STK32B: variants seen among roughly 807,000 people sequenced by gnomAD.
STK32B encodes serine/threonine kinase 32B, also known as serine/threonine-protein kinase 32B.
Under a neutral mutation model 52.6 loss-of-function variants are expected in STK32B, and 43 were observed. The observed-to-expected ratio is 0.82, with a 90% CI of 0.64 to 1.05. The LOEUF (loss-of-function observed/expected upper bound fraction) is 1.05, where lower values mean the gene tolerates loss of function less well. Ranked by LOEUF, STK32B falls within the 50% of genes least tolerant of loss-of-function variation. The pLI, the probability that STK32B is intolerant of heterozygous loss-of-function variation, is 0.00. For synonymous variants in STK32B, 238 were observed against 204.3 expected (o/e 1.17, Z -1.41); for missense variants, 621 against 534.6 (o/e 1.16, Z -1.59).
rs546530095 is a variant in STK32B, at chr4:5,126,842, A to C, written c.53-13063A>C. 2.9e-3 allele frequency among the ~76,000 whole-genome samples: 440 copies of C among 152,318 alleles called. 1 individual carries two copies. Among genetic ancestry groups the C allele is most frequent in the Middle Eastern group, 0.01 (3 of 294 alleles). On this transcript the variant is annotated intron_variant, in intron 1 of 11. Coordinates refer to ENST00000282908, the MANE Select transcript of STK32B (RefSeq NM_018401.3). ...CATTTCTACTGATAACCCAGTTATCAATTTCCTGATTTTTTTAGGGAATGA... is the reference window on the plus strand; with the variant it reads ...CATTTCTACTGATAACCCAGTTATCCATTTCCTGATTTTTTTAGGGAATGA...
chr4:5,440,769 A>C (rs1170476919), intron 6 of STK32B, among the ~76,000 whole-genome samples: 1 of 151,998 alleles, frequency 6.6e-6, no homozygotes, highest in African/African-American at 2.4e-5. Context: ...ATTATTTTGA[A>C]ATATGTCCCA....
intron 4 of STK32B, among the ~76,000 whole-genome samples, chr4:5,379,262 C>A (rs1170268409): frequency 1.3e-5 from 2 of 152,126 alleles, no homozygotes; most frequent in Non-Finnish European, 2.9e-5. Context: ...CCCCACATTG[C>A]CTTTCTTTCC....
At chr4:5,406,236 G>C (rs1005217232) in intron 5 of STK32B, among the ~76,000 whole-genome samples, 1 of 152,174 alleles carries the variant, frequency 6.6e-6, no homozygotes, top group Non-Finnish European at 1.5e-5. Context: ...GCAAGGGGTG[G>C]GTTCCCAAGG....
chr4:5,200,018 G>A (rs147389024), intron 3 of STK32B, among the ~76,000 whole-genome samples: 1,665 of 152,272 alleles, frequency 0.011, 15 homozygotes, highest in Middle Eastern at 0.059. Flanking sequence ...ATGAGGTGCT[G>A]TAGGAACAAA....
At position 5,346,789 on chromosome 4, in the gene STK32B, A is replaced by G. The variant is rs560921253; in HGVS notation, c.434+15396A>G. Among the ~76,000 whole-genome samples, 9 of 138,330 alleles carry G rather than the reference A, an allele frequency of 6.5e-5. No individual in the cohort carries two copies. In the East Asian group the frequency reaches 1.4e-3, roughly 21 times the overall value. The allele number at this position is 138,330 out of a possible 152,430, so 90.7% of individuals were successfully genotyped here. A position where few individuals can be genotyped will look rare whatever the true frequency, so the allele number is the denominator to read the frequency against. Reference sequence around the variant, plus strand: ...TGTATTAGTCCATTTTCACACTGTTATAAAGAAATATCCAAGACTGGGTAG... The same window carrying G: ...TGTATTAGTCCATTTTCACACTGTTGTAAAGAAATATCCAAGACTGGGTAG... On this transcript the variant is annotated intron_variant, in intron 4 of 11. Coordinates refer to ENST00000282908, the MANE Select transcript of STK32B (RefSeq NM_018401.3).
At chr4:5,110,029 G>A (rs545841782) in intron 1 of STK32B, among the ~76,000 whole-genome samples, 1 of 151,016 alleles carries the variant, frequency 6.6e-6, no homozygotes, top group South Asian at 2.1e-4. Flanking sequence ...AAAAAACCTG[G>A]GAATACATTT....
intron 3 of STK32B, among the ~76,000 whole-genome samples, chr4:5,204,450 T>C (rs1337068881): frequency 1.5e-5 from 1 of 66,600 alleles, no homozygotes. Context: ...GTTTTTGTTT[T>C]TTAGGTTTTT....
chr4:5,428,383 G>A (rs752227430), intron 6 of STK32B, among the ~76,000 whole-genome samples: 4 of 151,982 alleles, frequency 2.6e-5, no homozygotes, highest in Non-Finnish European at 5.9e-5. Context: ...ACTCTAGCCT[G>A]GGCAACAAAG....
chr4:5,466,764 C>T lies in STK32B; in HGVS notation c.971C>T (p.Pro324Leu), dbSNP rs775656196. Residue 324 changes from proline to leucine, a missense_variant, in exon 10 of 12, where the codon CCA becomes CTA. Transcript: ENST00000282908. The stretch of plus-strand genomic sequence containing the variant: ...GAAGAGATGATTCTAGAATCCAAGC[C>T]ACTTCACAAAAAGAAGAAGCGATTG... The part of the protein sequence containing the change: ...ELEEMILESK[P>L]LHKKKKRLAK... 1.2e-6 allele frequency: 2 copies of T among 1,613,854 alleles called. No individual in the cohort carries two copies. The highest frequency in any genetic ancestry group is 1.7e-6 in the Non-Finnish European group (2 of 1,179,962).
intron 3 of STK32B, among the ~76,000 whole-genome samples, chr4:5,264,234 G>C (rs1039439606): frequency 6.6e-6 from 1 of 152,120 alleles, no homozygotes; most frequent in South Asian, 2.1e-4. Flanking sequence ...AACTGACAAA[G>C]AGTTTTCCAA....
At chr4:5,315,813 T>A (rs760987091) in intron 3 of STK32B, among the ~76,000 whole-genome samples, 1 of 151,462 alleles carries the variant, frequency 6.6e-6, no homozygotes, top group Non-Finnish European at 1.5e-5. Flanking sequence ...CAAGCTATTC[T>A]CCTGCCTCAG....
chr4:5,470,043 G>A lies in STK32B; in HGVS notation c.1106+1973G>A, dbSNP rs1337613806. Among the ~76,000 whole-genome samples, 2 of 152,142 alleles carry A rather than the reference G, an allele frequency of 1.3e-5. No homozygotes were observed. Among genetic ancestry groups the A allele is most frequent in the Non-Finnish European group, 2.9e-5 (2 of 68,040 alleles). On this transcript the variant is annotated intron_variant, in intron 11 of 11. Coordinates refer to ENST00000282908, the MANE Select transcript of STK32B (RefSeq NM_018401.3). This position sits in a 1 kb window ranked among gnomAD's most constrained non-coding sequence, Gnocchi z 4.6. ...GCCTGCAAAAAGCTAAGCTGTGTGG[G>A]ACCCAAGCAGACAGCAATCTCATTT...
rs76819705 is a variant in STK32B, at chr4:5,142,686, T to C, written c.108+2726T>C. On this transcript the variant is annotated intron_variant, in intron 2 of 11. Transcript: ENST00000282908. Reference sequence around the variant, plus strand: ...TGAGGGCAGAAATCTTTTTTAAAAATCAGACATAAAAAACAGTAAATTATG... The same window carrying C: ...TGAGGGCAGAAATCTTTTTTAAAAACCAGACATAAAAAACAGTAAATTATG... Among the ~76,000 whole-genome samples the C allele has an allele frequency of 9.4e-3, 1,436 of 152,304 alleles. 22 individuals carry two copies. Among genetic ancestry groups the C allele is most frequent in the African/African-American group, 0.032 (1,351 of 41,572 alleles).
chr4:5,246,644 G>A (rs1380503922), intron 3 of STK32B, among the ~76,000 whole-genome samples: 1 of 152,138 alleles, frequency 6.6e-6, no homozygotes, highest in African/African-American at 2.4e-5. Flanking sequence ...AGGAGGAGAG[G>A]TGCTCTGATT....
At chr4:5,446,595 C>A (rs747999452) in intron 6 of STK32B, 78 bp from the exon 7 acceptor site, 6 of 1,128,024 alleles carry the variant, frequency 5.3e-6, no homozygotes, top group Non-Finnish European at 6.5e-6. Context: ...CTCAATTTCT[C>A]TCCTTGTCCC....
intron 1 of STK32B, among the ~76,000 whole-genome samples, chr4:5,134,558 G>A (rs1715959459): frequency 6.6e-6 from 1 of 152,236 alleles, no homozygotes; most frequent in South Asian, 2.1e-4. Flanking sequence ...GTGGCATTCT[G>A]TGATAGCAAC....
upstream of STK32B, among the ~76,000 whole-genome samples, chr4:5,050,631 G>A (rs1482851230): frequency 6.6e-6 from 1 of 152,160 alleles, no homozygotes; most frequent in African/African-American, 2.4e-5. Flanking sequence ...GCAGGATGTA[G>A]CCAAAGATTC....
At chr4:5,464,477 G>C (rs956466618) in intron 9 of STK32B, among the ~76,000 whole-genome samples, 2 of 152,320 alleles carry the variant, frequency 1.3e-5, no homozygotes, top group South Asian at 2.1e-4. Context: ...TGGGAGCTTC[G>C]GAGGGTGAGG....
chr4:5,091,671 A>T (rs1182750835), intron 1 of STK32B, among the ~76,000 whole-genome samples: 1 of 152,220 alleles, frequency 6.6e-6, no homozygotes, highest in African/African-American at 2.4e-5. Context: ...TTCCTAAAAA[A>T]ATTAAAGATA....
Sources: allele counts gnomAD v4.1 joint callset (sites outside exome capture counted in the v4.1 genomes callset), GRCh38; gene constraint gnomAD v4.1.1; non-coding constraint Gnocchi (gnomAD v3.1); transcripts MANE v1.5; gene names NCBI Gene and HGNC (gene_info 2026-07-23, HGNC 2026-07-21).